Variants in KLHL26 observed in about 807,000 individuals in gnomAD.
KLHL26 encodes kelch like family member 26, also known as kelch-like protein 26.
In KLHL26, 4 loss-of-function variants were observed where a neutral mutation model predicts 7.1. That is an observed-to-expected ratio of 0.56 (90% CI 0.28 to 1.28). The LOEUF (loss-of-function observed/expected upper bound fraction) is 1.28. Ranked by LOEUF, KLHL26 falls within the 50% of genes most tolerant of loss-of-function variation. The probability of loss-of-function intolerance (pLI) is 0.11; values close to 1 mark genes in which losing one functional copy is unlikely to be tolerated. For missense variants in KLHL26, 896 were observed against 924.6 expected, an observed-to-expected ratio of 0.97 and a Z score of 0.40; for synonymous variants, 465 against 414.1, an observed-to-expected ratio of 1.12 and a Z score of -1.49.
chr19:18,668,831 G>A lies in KLHL26; in HGVS notation c.1434G>A (p.Leu478=). The change falls in exon 3 of 3, where the codon CTG becomes CTA. Residue 478 remains leucine, a synonymous_variant. Coordinates refer to ENST00000300976, the MANE Select transcript of KLHL26 (RefSeq NM_018316.3). ...TCTCAGTGGAGGACAAGAAGGCCCTGCACTGCTACGACCCCGTGGCCGACC... is the reference window on the plus strand; with the variant it reads ...TCTCAGTGGAGGACAAGAAGGCCCTACACTGCTACGACCCCGTGGCCGACC... ...YGISVEDKKA[L]HCYDPVADQW... is the part of the protein sequence containing the mutation. The A allele has an allele frequency of 1.3e-6, 2 of 1,594,672 alleles. No individual in the cohort carries two copies. Among genetic ancestry groups the A allele is most frequent in the Non-Finnish European group, 1.7e-6 (2 of 1,177,090 alleles).
chr19:18,654,054 TCCATCCACCCATCCAG>T (rs1032647949), intron 1 of KLHL26, among the ~76,000 whole-genome samples: 1 of 99,784 alleles, frequency 1.0e-5, no homozygotes, highest in African/African-American at 4.0e-5. Context: ...CACCTACCCA[TCCATCCACCCATCCAG>T]CCATCCACCC....
chr19:18,653,639 C>T (rs1482939559), intron 1 of KLHL26, among the ~76,000 whole-genome samples: 3 of 52,896 alleles, frequency 5.7e-5, no homozygotes, highest in Non-Finnish European at 1.1e-4. Flanking sequence ...CATCCATCCA[C>T]CCGTCCACCC....
chr19:18,668,326 C>G lies in KLHL26; in HGVS notation c.929C>G (p.Ser310Trp). 6.2e-7 allele frequency: 1 copy of G among 1,610,082 alleles called. No individual in the cohort carries two copies. The highest frequency in any genetic ancestry group is 8.5e-7 in the Non-Finnish European group (1 of 1,179,480). Residue 310 changes from serine (S) to tryptophan (W), a missense_variant, in exon 3 of 3, where the codon TCG becomes TGG. Physicochemically the swap from Ser to Trp is radical, Grantham distance 177 (BLOSUM62 -3). Coordinates refer to ENST00000300976, the MANE Select transcript of KLHL26 (RefSeq NM_018316.3). ...PRTAVRSDVP[S>W]LVTFGGTPYT... ...ACCGCCGTGCGCTCGGATGTGCCCT[C>G]GCTCGTCACCTTCGGCGGCACGCCC...
At chr19:18,659,046 C>CT (rs993458046) in intron 1 of KLHL26, among the ~76,000 whole-genome samples, 4 of 152,140 alleles carry the variant, frequency 2.6e-5, no homozygotes, top group Admixed American at 1.3e-4. Flanking sequence ...TCTGTACCCT[C>CT]TAAGTCTCTG....
rs945323016 is a variant in KLHL26 at position 18,662,207 on chromosome 19, G to T, written c.84-2054G>T. On this transcript the variant is annotated intron_variant, in intron 1 of 2. Transcript: ENST00000300976. Reference sequence around the variant, plus strand: ...CCTCCAAGGGCTTTACAGGAGGCACGAGAAGTCCTCCCATCCCTCCCCGCA... The same window carrying T: ...CCTCCAAGGGCTTTACAGGAGGCACTAGAAGTCCTCCCATCCCTCCCCGCA... Among the ~76,000 whole-genome samples the T allele has an allele frequency of 6.6e-5, 10 of 152,140 alleles. 1 individual carries two copies. The South Asian group carries it at 2.1e-3, about 32-fold the overall frequency.
At chr19:18,659,354 C>T (rs1022787093) in intron 1 of KLHL26, among the ~76,000 whole-genome samples, 4 of 152,266 alleles carry the variant, frequency 2.6e-5, no homozygotes, top group African/African-American at 7.2e-5. Context: ...GCCTCTTCCC[C>T]ACCCATGCAC....
chr19:18,657,580 A>G (rs189850863), intron 1 of KLHL26, among the ~76,000 whole-genome samples: 2 of 151,198 alleles, frequency 1.3e-5, no homozygotes, highest in East Asian at 3.9e-4. Context: ...CTGTCTCCCC[A>G]TCTCTGTCCC....
intron 1 of KLHL26, among the ~76,000 whole-genome samples, chr19:18,657,806 G>C (rs2052349378): frequency 6.6e-6 from 1 of 152,218 alleles, no homozygotes; most frequent in Non-Finnish European, 1.5e-5. Context: ...AGTAGCCTTG[G>C]GCAGTCTGGG....
intron 1 of KLHL26, among the ~76,000 whole-genome samples, chr19:18,662,982 G>A (rs928259010): frequency 1.3e-5 from 2 of 152,094 alleles, no homozygotes; most frequent in Non-Finnish European, 2.9e-5. Flanking sequence ...CTTTCAAAAG[G>A]CTGCACCCCC....
intron 1 of KLHL26, among the ~76,000 whole-genome samples, chr19:18,644,309 G>C (rs1976764275): frequency 6.6e-6 from 1 of 152,184 alleles, no homozygotes; most frequent in South Asian, 2.1e-4. Context: ...TCTGTTGATG[G>C]ACACTTAGAT....
At chr19:18,639,555 G>A (rs1976677429) in intron 1 of KLHL26, among the ~76,000 whole-genome samples, 1 of 151,520 alleles carries the variant, frequency 6.6e-6, no homozygotes, top group Non-Finnish European at 1.5e-5. Context: ...GACCACAGGT[G>A]CATGCTACCA....
intron 1 of KLHL26, among the ~76,000 whole-genome samples, chr19:18,642,172 T>C (rs967110312): frequency 6.6e-6 from 1 of 152,156 alleles, no homozygotes; most frequent in Non-Finnish European, 1.5e-5. Flanking sequence ...CCTTCATTTA[T>C]TGCAAATGGG....
chr19:18,668,337 T>G lies in KLHL26; in HGVS notation c.940T>G (p.Phe314Val). The part of the protein sequence containing the change: ...VRSDVPSLVT[F>V]GGTPYTDSDR... ...CTCGGATGTGCCCTCGCTCGTCACC[T>G]TCGGCGGCACGCCCTACACCGACAG... Residue 314 changes from phenylalanine to valine, a missense_variant, in exon 3 of 3, where the codon TTC becomes GTC. Coordinates refer to ENST00000300976, the MANE Select transcript of KLHL26 (RefSeq NM_018316.3). The G allele has an allele frequency of 6.2e-7, 1 of 1,608,980 alleles. No individual in the cohort carries two copies. The highest frequency in any genetic ancestry group is 1.3e-5 in the African/African-American group (1 of 75,030).
At chr19:18,640,024 A>G (rs1024481287) in intron 1 of KLHL26, among the ~76,000 whole-genome samples, 1 of 151,350 alleles carries the variant, frequency 6.6e-6, no homozygotes, top group African/African-American at 2.4e-5. Flanking sequence ...GTGAAAATAA[A>G]CAAACTGTGT....
At position 18,669,658 on chromosome 19, in the gene KLHL26, G is replaced by T. The variant is rs112074537; in HGVS notation, c.*413G>T. The T allele has an allele frequency of 6.7e-5, 23 of 341,376 alleles. No homozygotes were observed. The highest frequency in any genetic ancestry group is 4.6e-4 in the African/African-American group (22 of 47,324). 21.1% of individuals were successfully genotyped at this position (341,376 alleles called of 1,614,324 possible). On this transcript the variant is annotated 3_prime_UTR_variant, in exon 3 of 3. Coordinates refer to ENST00000300976, the MANE Select transcript of KLHL26 (RefSeq NM_018316.3). ...GCTCATCAACATTGAACCCAAAGTCGGTGGTATATGACTCACCCTCCTTCC... is the reference window on the plus strand; with the variant it reads ...GCTCATCAACATTGAACCCAAAGTCTGTGGTATATGACTCACCCTCCTTCC...
intron 2 of KLHL26, among the ~76,000 whole-genome samples, chr19:18,665,218 G>A (rs1258487606): frequency 4.0e-5 from 6 of 151,532 alleles, no homozygotes; most frequent in Non-Finnish European, 8.8e-5. Flanking sequence ...CACCACACCT[G>A]GCTAATTTTT....
chr19:18,662,778 G>A (rs2052404625), intron 1 of KLHL26, among the ~76,000 whole-genome samples: 1 of 152,086 alleles, frequency 6.6e-6, no homozygotes, highest in African/African-American at 2.4e-5. Flanking sequence ...ATCTGTCATG[G>A]GTCTAGGGAA....
chr19:18,654,495 A>G (rs1004734665), intron 1 of KLHL26, among the ~76,000 whole-genome samples: 1 of 148,928 alleles, frequency 6.7e-6, no homozygotes, highest in Non-Finnish European at 1.5e-5. Flanking sequence ...CCATCCACCC[A>G]TCCACCAACC....
At position 18,670,621 on chromosome 19, in the gene KLHL26, A is replaced by G. The variant is rs1306000336; in HGVS notation, c.*1376A>G. ...TCAACCTTTTCCAGCCTTTCAGAGG[A>G]GTCGGCAGTGGGCTGGGCTTTGGCT... is the stretch of plus-strand genomic sequence containing the variant. On this transcript the variant is annotated 3_prime_UTR_variant, in exon 3 of 3. Transcript: ENST00000300976. The G allele has an allele frequency of 6.6e-6, 1 of 152,232 alleles. No homozygotes were observed. Among genetic ancestry groups the G allele is most frequent in the African/African-American group, 2.4e-5 (1 of 41,410 alleles). 9.4% of individuals were successfully genotyped at this position (152,232 alleles called of 1,614,324 possible).
Sources: gnomAD v4.1 joint callset for allele counts (sites outside exome capture counted in the v4.1 genomes callset) on GRCh38, gnomAD v4.1.1 for gene constraint, MANE v1.5 for transcripts, NCBI Gene and HGNC (gene_info 2026-07-23, HGNC 2026-07-21) for gene names.